The following GALNTL6 variants were observed in gnomAD, a reference collection of about 807,000 sequenced individuals.
GALNTL6 encodes the protein polypeptide N-acetylgalactosaminyltransferase like 6.
Under a neutral mutation model 73.7 loss-of-function variants are expected in GALNTL6, and 46 were observed. That is an observed-to-expected ratio of 0.62 (90% CI 0.49 to 0.80). The LOEUF is 0.80. GALNTL6 is among the 30% of genes least tolerant of loss of function. The pLI is 0.00. For synonymous variants in GALNTL6, 259 were observed against 263.7 expected (o/e 0.98, Z 0.17); for missense variants, 604 against 755.0 (o/e 0.80, Z 2.34).
rs3080307 is a variant in GALNTL6 at position 171,824,077 on chromosome 4, T to TTATATATATATATATATATA, written c.138+9373_138+9392dup. ...CTTAAGTCCTCAACACAAATCCATT[T>TTATATATATATATATATATA]TATATATATATATATATATATATAT... On this transcript the variant is annotated intron_variant, in intron 2 of 12. Coordinates refer to ENST00000506823, the MANE Select transcript of GALNTL6 (RefSeq NM_001034845.3). Among the ~76,000 whole-genome samples, 73 of 129,178 alleles carry TTATATATATATATATATATA rather than the reference T, an allele frequency of 5.7e-4. 1 individual carries two copies. The highest frequency in any genetic ancestry group is 2.0e-3 in the East Asian group (9 of 4,554). 84.7% of individuals were successfully genotyped at this position (129,178 alleles called of 152,430 possible).
At chr4:172,101,875 A>C (rs1732529820) in intron 2 of GALNTL6, among the ~76,000 whole-genome samples, 1 of 152,024 alleles carries the variant, frequency 6.6e-6, no homozygotes, top group South Asian at 2.1e-4. Context: ...AAGTGAGTTG[A>C]AATAAGACAC....
chr4:171,950,721 G>A (rs890148949), intron 2 of GALNTL6, among the ~76,000 whole-genome samples: 11 of 151,904 alleles, frequency 7.2e-5, no homozygotes, highest in African/African-American at 1.9e-4. Flanking sequence ...CTTGTGATCC[G>A]CCCGCCTCGG....
intron 5 of GALNTL6, among the ~76,000 whole-genome samples, chr4:172,463,545 A>G (rs1018406521): frequency 3.9e-5 from 6 of 152,304 alleles, no homozygotes; most frequent in African/African-American, 1.4e-4. Context: ...CACCTGCTCT[A>G]TGCCATGCAC....
intron 10 of GALNTL6, among the ~76,000 whole-genome samples, chr4:172,981,937 C>G (rs1751083568): frequency 6.6e-6 from 1 of 151,510 alleles, no homozygotes; most frequent in Non-Finnish European, 1.5e-5. Context: ...GCTGGGATTA[C>G]AGGCATGCGC....
intron 2 of GALNTL6, among the ~76,000 whole-genome samples, chr4:172,207,591 A>G (rs900799309): frequency 1.3e-5 from 2 of 152,226 alleles, no homozygotes; most frequent in Admixed American, 1.3e-4. Flanking sequence ...ACGAGCCAAT[A>G]CAACACCTCT....
chr4:172,137,733 A>G (rs1415332637), intron 2 of GALNTL6, among the ~76,000 whole-genome samples: 1 of 152,166 alleles, frequency 6.6e-6, no homozygotes. Flanking sequence ...CTTTCCCTGA[A>G]TTTTCTCCCT....
intron 2 of GALNTL6, among the ~76,000 whole-genome samples, chr4:171,937,325 C>G (rs1738380459): frequency 6.6e-6 from 1 of 151,986 alleles, no homozygotes; most frequent in South Asian, 2.1e-4. Flanking sequence ...ACTTATTTTT[C>G]CAATTATGTA....
chr4:171,919,882 T>C (rs1157196462), intron 2 of GALNTL6, among the ~76,000 whole-genome samples: 2 of 152,056 alleles, frequency 1.3e-5, no homozygotes, highest in East Asian at 3.9e-4. Context: ...AGAAATACCA[T>C]TTGACCCAGC....
intron 5 of GALNTL6, among the ~76,000 whole-genome samples, chr4:172,739,102 G>A (rs151008094): frequency 5.5e-4 from 84 of 152,296 alleles, no homozygotes; most frequent in African/African-American, 1.9e-3. Context: ...TTCCATCATG[G>A]CTTGAAACAG....
At chr4:172,211,143 C>G (rs939787924) in intron 2 of GALNTL6, among the ~76,000 whole-genome samples, 3 of 152,114 alleles carry the variant, frequency 2.0e-5, no homozygotes, top group African/African-American at 4.8e-5. Context: ...TGCATTCTAA[C>G]ATTATAAGAT....
intron 10 of GALNTL6, among the ~76,000 whole-genome samples, chr4:172,954,814 C>G (rs910432135): frequency 4.6e-5 from 7 of 151,958 alleles, no homozygotes; most frequent in Non-Finnish European, 8.8e-5. Context: ...TTTCTTTCCC[C>G]AAAGCCTCAG....
At chr4:171,883,769 T>A (rs1479810033) in intron 2 of GALNTL6, among the ~76,000 whole-genome samples, 1 of 151,830 alleles carries the variant, frequency 6.6e-6, no homozygotes, top group East Asian at 1.9e-4. Context: ...TGCCTCAGCC[T>A]CCCGAGTAGC....
At chr4:172,589,620 C>A (rs978319160) in intron 5 of GALNTL6, among the ~76,000 whole-genome samples, 9 of 152,234 alleles carry the variant, frequency 5.9e-5, no homozygotes, top group African/African-American at 2.2e-4. Context: ...GGAAATGTAA[C>A]TGTTTATTCT....
At chr4:171,822,461 C>T (rs1181307627) in intron 2 of GALNTL6, among the ~76,000 whole-genome samples, 2 of 152,134 alleles carry the variant, frequency 1.3e-5, no homozygotes, top group Admixed American at 6.5e-5. Flanking sequence ...AAAATTACCT[C>T]ATAATAGGGT....
intron 5 of GALNTL6, among the ~76,000 whole-genome samples, chr4:172,654,153 T>C (rs575088749): frequency 5.9e-5 from 9 of 152,216 alleles, no homozygotes; most frequent in African/African-American, 9.6e-5. Flanking sequence ...TTCAGATTAG[T>C]GGACTTCACT....
intron 5 of GALNTL6, among the ~76,000 whole-genome samples, chr4:172,441,514 T>G (rs920598900): frequency 2.6e-5 from 4 of 152,154 alleles, no homozygotes; most frequent in African/African-American, 4.8e-5. Flanking sequence ...TCTCATGCCT[T>G]AAGTGTTCTT....
chr4:172,411,608 A>G (rs1744439151), intron 5 of GALNTL6, among the ~76,000 whole-genome samples: 1 of 151,648 alleles, frequency 6.6e-6, no homozygotes, highest in Admixed American at 6.6e-5. Flanking sequence ...CTCACTGGAC[A>G]TGTTGAAAAA....
intron 5 of GALNTL6, among the ~76,000 whole-genome samples, chr4:172,606,019 G>C (rs568475809): frequency 9.9e-5 from 15 of 151,662 alleles, no homozygotes; most frequent in Non-Finnish European, 1.5e-4. Context: ...TGGGCCCCCA[G>C]TCCATTGTGG....
chr4:172,296,908 T>A (rs59687600), intron 3 of GALNTL6, among the ~76,000 whole-genome samples: 23,982 of 152,076 alleles, frequency 0.16, 2,030 homozygotes, highest in East Asian at 0.2. Flanking sequence ...AAATGGTATT[T>A]CTAGTTCTAG....
Sources: gnomAD v4.1 joint callset for allele counts (sites outside exome capture counted in the v4.1 genomes callset) on GRCh38, gnomAD v4.1.1 for gene constraint, MANE v1.5 for transcripts, NCBI Gene and HGNC (gene_info 2026-07-23, HGNC 2026-07-21) for gene names.